Variants in GNAT2 observed in about 807,000 individuals in gnomAD.
GNAT2 encodes guanine nucleotide-binding protein G(t) subunit alpha-2.
In GNAT2, 32 loss-of-function variants were observed where a neutral mutation model predicts 40.9. The observed-to-expected ratio is 0.78, with a 90% CI of 0.59 to 1.05. The LOEUF (loss-of-function observed/expected upper bound fraction) is 1.05, where lower values mean the gene tolerates loss of function less well. Ranked by LOEUF, GNAT2 falls within the 50% of genes least tolerant of loss-of-function variation. The probability of loss-of-function intolerance (pLI) is 0.00; values close to 1 mark genes in which losing one functional copy is unlikely to be tolerated. For missense variants in GNAT2, 355 were observed against 431.5 expected (o/e 0.82, Z 1.57); for synonymous variants, 141 against 157.2 (o/e 0.90, Z 0.77).
At chr1:109,610,648 T>C in intron 2 of GNAT2, 141 bp from the exon 3 acceptor site, 1 of 731,930 alleles carries the variant, frequency 1.4e-6, no homozygotes, top group Non-Finnish European at 2.4e-6. Context: ...CTGCCCTCAA[T>C]TTCTGGCAGG....
intron 6 of GNAT2, 103 bp from the exon 7 acceptor site, chr1:109,606,202 A>G: frequency 1.3e-6 from 2 of 1,571,212 alleles, no homozygotes; most frequent in Non-Finnish European, 1.8e-6. Context: ...GGAGAAGCAG[A>G]ACAGTAATTT....
chr1:109,609,248 T>C (rs1649714726), intron 4 of GNAT2: 1 of 198,000 alleles, frequency 5.1e-6, no homozygotes, highest in African/African-American at 2.3e-5. Context: ...AAAAGTTCCA[T>C]GGCCAGGAAC....
chr1:109,607,365 G>T, intron 5 of GNAT2: 1 of 151,868 alleles, frequency 6.6e-6, no homozygotes, highest in Non-Finnish European at 1.5e-5. Context: ...GCAGGAGAAT[G>T]GCGTGAACCC....
At chr1:109,611,358 T>C (rs1649792484) in intron 2 of GNAT2, 1 of 152,222 alleles carries the variant, frequency 6.6e-6, no homozygotes, top group Non-Finnish European at 1.5e-5. Context: ...TTTGTATTTT[T>C]AGTAGAAATG....
chr1:109,614,275 T>C (rs972340734), intron 1 of GNAT2: 1 of 152,252 alleles, frequency 6.6e-6, no homozygotes, highest in Non-Finnish European at 1.5e-5. Context: ...TGTTTTCCGC[T>C]AAACTTACCT....
chr1:109,608,509 G>C (rs1434247156), intron 5 of GNAT2, 122 bp downstream of exon 5: 2 of 876,090 alleles, frequency 2.3e-6, no homozygotes, highest in African/African-American at 1.6e-5. Context: ...GCTGAATTCA[G>C]TCTGGGTCTC....
Position 109,610,482 on chromosome 1 carries a change from G to A in GNAT2, c.144C>T (p.Thr48=). The A allele has an allele frequency of 6.2e-7, 1 of 1,613,798 alleles. No homozygotes were observed. The highest frequency in any genetic ancestry group is 1.1e-5 in the South Asian group (1 of 91,060). Reference sequence around the variant, plus strand: ...CTACTCACTTCATCTGTTTGACGATGGTGCTCTTTCCTGACTCCCCAGCAC... The same window carrying A: ...CTACTCACTTCATCTGTTTGACGATAGTGCTCTTTCCTGACTCCCCAGCAC... ...LLGAGESGKS[T]IVKQMKIIHQ... The change falls in exon 3 of 9, where the codon ACC becomes ACT. Residue 48 remains threonine (T), a synonymous_variant. Coordinates refer to ENST00000679935, the MANE Select transcript of GNAT2 (RefSeq NM_001377295.2).
rs1649524237 is a variant in GNAT2 at position 109,604,168 on chromosome 1, G to A, written c.721-64C>T. ...CTTATAGAATATCTACCTACTTCCTGCTCTTGTTCCCCTTGGAGAGACCAG... is the reference window on the plus strand; with the variant it reads ...CTTATAGAATATCTACCTACTTCCTACTCTTGTTCCCCTTGGAGAGACCAG... On this transcript the variant is annotated intron_variant, in intron 7 of 8. Transcript: ENST00000679935. The A allele has an allele frequency of 1.3e-5, 17 of 1,280,594 alleles. No individual in the cohort carries two copies. In the South Asian group the frequency reaches 2.0e-4, roughly 15 times the overall value. The allele number at this position is 1,280,594 out of a possible 1,614,324, so 79.3% of individuals were successfully genotyped here. A position where few individuals can be genotyped will look rare whatever the true frequency, so the allele number is the denominator to read the frequency against.
intron 7 of GNAT2, 158 bp from the exon 8 acceptor site, chr1:109,604,262 G>A (rs1440933864): frequency 2.9e-6 from 2 of 678,008 alleles, no homozygotes; most frequent in Non-Finnish European, 5.3e-6. Context: ...CCAGAGAGAT[G>A]TGGGATCATT....
intron 1 of GNAT2, chr1:109,613,328 T>C (rs1349907674): frequency 4.0e-6 from 1 of 247,924 alleles, no homozygotes; most frequent in Non-Finnish European, 8.0e-6. Context: ...CTGGCACATA[T>C]GTAGAAAGCA....
At chr1:109,609,021 G>T in intron 4 of GNAT2, 1 of 562,574 alleles carries the variant, frequency 1.8e-6, no homozygotes, top group Admixed American at 3.0e-5. Flanking sequence ...GCGGGGCAGG[G>T]GTCCCAGGTA....
intron 2 of GNAT2, chr1:109,610,892 GGA>G: frequency 3.0e-6 from 1 of 330,608 alleles, no homozygotes; most frequent in Non-Finnish European, 5.8e-6. Context: ...AGATTCAGGG[GGA>G]GTCCTTTAAC....
At chr1:109,614,572 G>T (rs187550484) in intron 1 of GNAT2, 2 of 152,206 alleles carry the variant, frequency 1.3e-5, no homozygotes, top group Non-Finnish European at 2.9e-5. Flanking sequence ...GGTCTGGAGT[G>T]CAGTCCAGGC....
chr1:109,605,905 G>A lies in GNAT2; in HGVS notation c.720+65C>T, dbSNP rs1487011866. On this transcript the variant is annotated intron_variant, in intron 7 of 8. Transcript: ENST00000679935. ...AGTTGGGGCAGTAGAGTGACACAAG[G>A]CTTAGAGAAAGGGTCATGGGGAGAA... The A allele has an allele frequency of 4.4e-5, 65 of 1,471,404 alleles. 1 individual carries two copies. Among genetic ancestry groups the A allele is most frequent in the Non-Finnish European group, 6.0e-5 (63 of 1,052,252 alleles). 91.1% of individuals were successfully genotyped at this position (1,471,404 alleles called of 1,614,324 possible).
chr1:109,606,004 G>A lies in GNAT2; in HGVS notation c.686C>T (p.Ala229Val). 1 of 1,613,492 alleles carries A rather than the reference G, an allele frequency of 6.2e-7. No individual in the cohort carries two copies. Among genetic ancestry groups the A allele is most frequent in the Non-Finnish European group, 8.5e-7 (1 of 1,179,462 alleles). ...TCIIFCAALS[A>V]YDMVLVEDDE... ...ATCTTCCACCAGCACCATATCATAG[G>A]CACTGAGGGCTGCACAGAAAATGAT... is the stretch of plus-strand genomic sequence containing the variant. Residue 229 changes from alanine to valine, a missense_variant, in exon 7 of 9, where the codon GCC (alanine) becomes GTC (valine). Ala to Val is a moderately conservative substitution (Grantham distance 64). Coordinates refer to ENST00000679935, the MANE Select transcript of GNAT2 (RefSeq NM_001377295.2).
rs1395145498 is a variant in GNAT2 at position 109,606,374 on chromosome 1, A to G, written c.524T>C (p.Leu175Pro). ...PEYLPSEQDVLRSRVKTTGII... is the reference protein window; with the variant it reads ...PEYLPSEQDVPRSRVKTTGII... ...GCCCGTGGTTTTGACTCTGGATCGG[A>G]GCACATCTTGCTCACTAGGGAGGTA... Residue 175 changes from leucine to proline, a missense_variant, in exon 6 of 9, where the codon CTC becomes CCC. Leu to Pro is a moderately conservative substitution (Grantham distance 98, BLOSUM62 -3). Transcript: ENST00000679935. 2 of 1,611,726 alleles carry G rather than the reference A, an allele frequency of 1.2e-6. No individual in the cohort carries two copies. The highest frequency in any genetic ancestry group is 1.3e-5 in the African/African-American group (1 of 74,876).
rs1174263293 is a variant in GNAT2 at position 109,609,921 on chromosome 1, TG to T, written c.303+118del. 10 of 992,116 alleles carry T rather than the reference TG, an allele frequency of 1.0e-5. No homozygotes were observed. In the East Asian group the frequency reaches 2.1e-4, roughly 21 times the overall value. The allele number at this position is 992,116 out of a possible 1,614,324, so 61.5% of individuals were successfully genotyped here. On this transcript the variant is annotated intron_variant, in intron 4 of 8. Coordinates refer to ENST00000679935, the MANE Select transcript of GNAT2 (RefSeq NM_001377295.2). ...TAGCAGTGAGATCCCACCCAGCAGG[TG>T]GGATTTTAGTTACTATTTTTCTTAC... is the stretch of plus-strand genomic sequence containing the variant.
chr1:109,608,565 A>G, intron 5 of GNAT2, 66 bp downstream of exon 5: 4 of 1,511,582 alleles, frequency 2.6e-6, no homozygotes, highest in South Asian at 2.2e-5. Flanking sequence ...GTTTCTCCCA[A>G]CCAGAGAGAA....
At chr1:109,615,277 G>A (rs1460860773) in intron 1 of GNAT2, 1 of 152,224 alleles carries the variant, frequency 6.6e-6, no homozygotes, top group Admixed American at 6.5e-5. Context: ...GGCTGAGGTG[G>A]GTGGATGACC....
Sources: gnomAD v4.1 joint callset for allele counts on GRCh38, gnomAD v4.1.1 for gene constraint, MANE v1.5 for transcripts, NCBI Gene and HGNC (gene_info 2026-07-23, HGNC 2026-07-21) for gene names.